Variants in SARAF observed in about 807,000 individuals in gnomAD.
SARAF encodes the protein store-operated calcium entry associated regulatory factor, also known as store-operated calcium entry-associated regulatory factor.
A neutral mutation model predicts 39.7 loss-of-function variants in SARAF; 23 were observed. That is an observed-to-expected ratio of 0.58 (90% CI 0.42 to 0.82). SARAF has a LOEUF of 0.82. Among genes scored for constraint, SARAF ranks in the 40% least tolerant of loss-of-function variants. SARAF has a pLI of 0.00. For missense variants in SARAF, 384 were observed against 418.5 expected (o/e 0.92, Z 0.72); for synonymous variants, 175 against 168.5 (o/e 1.04, Z -0.30).
chr8:30,072,097 G>A (rs1032392099), intron 2 of SARAF, among the ~76,000 whole-genome samples: 75 of 152,216 alleles, frequency 4.9e-4, no homozygotes, highest in African/African-American at 1.7e-3. Flanking sequence ...CCAATTTCTC[G>A]ACATCCTCAC....
intron 1 of SARAF, among the ~76,000 whole-genome samples, chr8:30,081,005 G>A (rs1802086104): frequency 6.6e-6 from 1 of 152,166 alleles, no homozygotes; most frequent in African/African-American, 2.4e-5. Flanking sequence ...CGGGCATGGT[G>A]GCACATGCCT....
At chr8:30,076,688 G>A (rs1303979500) in intron 1 of SARAF, among the ~76,000 whole-genome samples, 1 of 152,212 alleles carries the variant, frequency 6.6e-6, no homozygotes, top group Non-Finnish European at 1.5e-5. Context: ...GATTAATGCT[G>A]TTCTTGCAGG....
At position 30,069,754 on chromosome 8, in the gene SARAF, G is replaced by A. The variant is rs776495881; in HGVS notation, c.588C>T (p.Asp196=). The A allele has an allele frequency of 1.4e-5, 22 of 1,613,944 alleles. No individual in the cohort carries two copies. Among genetic ancestry groups the A allele is most frequent in the East Asian group, 6.7e-5 (3 of 44,874 alleles). ...AFVVYKLFLS[D]GQYSPPPYSE... ...AGTACGGTGGAGGAGAATACTGCCC[G>A]TCACTCAGGAACAGCTTATAGACTA... is the stretch of plus-strand genomic sequence containing the variant. The change falls in exon 3 of 6, where the codon GAC becomes GAT. Residue 196 remains aspartate (D), a synonymous_variant. Transcript: ENST00000256255.
chr8:30,064,557 A>AT (rs1458215350), intron 5 of SARAF, among the ~76,000 whole-genome samples: 17 of 50,652 alleles, frequency 3.4e-4, no homozygotes, highest in African/African-American at 1.1e-3. Context: ...ATATATATAT[A>AT]TATATTTTTT....
chr8:30,081,771 C>T (rs1192213707), intron 1 of SARAF, among the ~76,000 whole-genome samples: 4 of 150,256 alleles, frequency 2.7e-5, no homozygotes, highest in African/African-American at 9.8e-5. Context: ...TAACAGCATG[C>T]GTCATTTATT....
intron 1 of SARAF, among the ~76,000 whole-genome samples, chr8:30,077,861 G>T (rs1208258750): frequency 6.6e-6 from 1 of 151,230 alleles, no homozygotes; most frequent in African/African-American, 2.4e-5. Context: ...GGAGAGAAAG[G>T]CTGGGCACAG....
At chr8:30,080,993 G>C (rs1802085597) in intron 1 of SARAF, among the ~76,000 whole-genome samples, 1 of 152,108 alleles carries the variant, frequency 6.6e-6, no homozygotes, top group African/African-American at 2.4e-5. Context: ...TACAAAATTT[G>C]CCGGGCATGG....
intron 1 of SARAF, 96 bp downstream of exon 1, chr8:30,082,751 C>G: frequency 1.0e-6 from 1 of 975,458 alleles, no homozygotes; most frequent in Non-Finnish European, 1.5e-6. Flanking sequence ...ACCCAGGCTC[C>G]GGGAAGACGG....
chr8:30,064,557 A>ATTTTTT (rs1458215350), intron 5 of SARAF, among the ~76,000 whole-genome samples: 45 of 50,654 alleles, frequency 8.9e-4, no homozygotes, highest in East Asian at 5.7e-3. Context: ...ATATATATAT[A>ATTTTTT]TATATTTTTT....
Position 30,075,989 on chromosome 8 carries a change from AACAAAAAAAAAAAAAC to A in SARAF, c.104-1950_104-1935del, listed in dbSNP as rs1358837747. 4.5e-5 allele frequency among the ~76,000 whole-genome samples: 5 copies of A among 110,242 alleles called. 1 individual carries two copies. The highest frequency in any genetic ancestry group is 7.0e-4 in the South Asian group (2 of 2,864). 72.3% of individuals were successfully genotyped at this position (110,242 alleles called of 152,430 possible). A position where few individuals can be genotyped will look rare whatever the true frequency, so the allele number is the denominator to read the frequency against. ...GTACATAACAGAATCCCTAAAAAAA[AACAAAAAAAAAAAAAC>A]AAAAAACGGGAAATGGCAGCTCTGG... is the stretch of plus-strand genomic sequence containing the variant. On this transcript the variant is annotated intron_variant, in intron 1 of 5. Transcript: ENST00000256255.
chr8:30,082,871 G>A lies in SARAF; in HGVS notation c.79C>T (p.Pro27Ser), dbSNP rs1563359226. The A allele has an allele frequency of 5.1e-6, 8 of 1,556,378 alleles. No homozygotes were observed. The highest frequency in any genetic ancestry group is 2.0e-5 in the Admixed American group (1 of 51,194). Reference sequence around the variant, plus strand: ...CCAGGGTCGTTCCAGCCCAGGGCAGGGCCCGCGGTCAGCAGAAACAAATGC... The same window carrying A: ...CCAGGGTCGTTCCAGCCCAGGGCAGAGCCCGCGGTCAGCAGAAACAAATGC... The part of the protein sequence containing the change: ...GLHLFLLTAG[P>S]ALGWNDPDRM... The change falls in exon 1 of 6, where the codon CCT becomes TCT. Residue 27 changes from proline (P) to serine (S), a missense_variant. Coordinates refer to ENST00000256255, the MANE Select transcript of SARAF (RefSeq NM_016127.6).
In SARAF at chr8:30,063,924, A is replaced by T. The variant is rs1801613550; in HGVS notation, c.995-11T>A. 1.3e-6 allele frequency: 2 copies of T among 1,545,134 alleles called. No homozygotes were observed. Among genetic ancestry groups the T allele is most frequent in the Non-Finnish European group, 8.8e-7 (1 of 1,130,106 alleles). ...TGGTACCACCATATCCTAGAATGAGAGGGGTAAAATTTACATTAGTTTTTA... is the reference window on the plus strand; with the variant it reads ...TGGTACCACCATATCCTAGAATGAGTGGGGTAAAATTTACATTAGTTTTTA... On this transcript the variant is annotated splice_polypyrimidine_tract_variant and intron_variant, in intron 5 of 5. Coordinates refer to ENST00000256255, the MANE Select transcript of SARAF (RefSeq NM_016127.6).
At chr8:30,071,902 C>A (rs1280156430) in intron 2 of SARAF, among the ~76,000 whole-genome samples, 1 of 152,118 alleles carries the variant, frequency 6.6e-6, no homozygotes, top group African/African-American at 2.4e-5. Context: ...ATGAATAATG[C>A]TGCTATGTAT....
chr8:30,071,302 T>C (rs1199518406), intron 2 of SARAF, among the ~76,000 whole-genome samples: 1 of 152,164 alleles, frequency 6.6e-6, no homozygotes, highest in South Asian at 2.1e-4. Context: ...GCCAAGATCA[T>C]GTCACTGCAC....
chr8:30,069,168 C>T (rs1440811342), intron 3 of SARAF, among the ~76,000 whole-genome samples: 2 of 104,530 alleles, frequency 1.9e-5, no homozygotes, highest in African/African-American at 7.8e-5. Context: ...GAGACAGGGT[C>T]TCGCTCTGTC....
rs1801599256 is a variant in SARAF, at chr8:30,063,259, T to C, written c.*629A>G. 6.6e-6 allele frequency: 1 copy of C among 152,260 alleles called. No individual in the cohort carries two copies. Among genetic ancestry groups the C allele is most frequent in the Non-Finnish European group, 1.5e-5 (1 of 68,064 alleles). 9.4% of individuals were successfully genotyped at this position (152,260 alleles called of 1,614,324 possible). A position where few individuals can be genotyped will look rare whatever the true frequency, so the allele number is the denominator to read the frequency against. On this transcript the variant is annotated 3_prime_UTR_variant, in exon 6 of 6. Coordinates refer to ENST00000256255, the MANE Select transcript of SARAF (RefSeq NM_016127.6). ...GAAAGAAATATAGAGGTTTCAAGCATTTTTGCCAGCACAGAGTCATTCACA... is the reference window on the plus strand; with the variant it reads ...GAAAGAAATATAGAGGTTTCAAGCACTTTTGCCAGCACAGAGTCATTCACA...
chr8:30,081,731 ATTT>A (rs11314015), intron 1 of SARAF, among the ~76,000 whole-genome samples: 2,440 of 147,302 alleles, frequency 0.017, 69 homozygotes, highest in African/African-American at 0.056. Context: ...TGTTGTTTTC[ATTT>A]TTTTTTTTTT....
rs550586361 is a variant in SARAF, at chr8:30,067,295, C to T, written c.701-377G>A. On this transcript the variant is annotated intron_variant, in intron 3 of 5. Coordinates refer to ENST00000256255, the MANE Select transcript of SARAF (RefSeq NM_016127.6). ...TGAGAGCTGTGCCTCAGTCTCTAAC[C>T]GAGGAATCCAAGGGGAGGCAGCCAG... Among the ~76,000 whole-genome samples, 4 of 152,236 alleles carry T rather than the reference C, an allele frequency of 2.6e-5. No homozygotes were observed. The East Asian group carries it at 5.8e-4, about 22-fold the overall frequency.
At chr8:30,066,631 G>GT in intron 4 of SARAF, 146 bp downstream of exon 4, 1 of 959,856 alleles carries the variant, frequency 1.0e-6, no homozygotes, top group Non-Finnish European at 1.6e-6. Flanking sequence ...CAAATATAGT[G>GT]TACCTTCCCC....
Sources: gnomAD v4.1 joint callset for allele counts (sites outside exome capture counted in the v4.1 genomes callset) on GRCh38, gnomAD v4.1.1 for gene constraint, MANE v1.5 for transcripts, NCBI Gene and HGNC (gene_info 2026-07-23, HGNC 2026-07-21) for gene names.